Variants in FAM83E observed in about 807,000 individuals in gnomAD.
FAM83E encodes the protein protein FAM83E.
A neutral mutation model predicts 34.3 loss-of-function variants in FAM83E; 29 were observed. The observed-to-expected ratio is 0.85, with a 90% CI of 0.63 to 1.15. The LOEUF (loss-of-function observed/expected upper bound fraction) is 1.15, where lower values mean the gene tolerates loss of function less well. Ranked by LOEUF, FAM83E falls within the 50% of genes most tolerant of loss-of-function variation. The probability of loss-of-function intolerance (pLI) is 0.00; values close to 1 mark genes in which losing one functional copy is unlikely to be tolerated. For missense variants in FAM83E, 697 were observed against 685.0 expected (o/e 1.02, Z -0.20); for synonymous variants, 312 against 311.6 (o/e 1.00, Z -0.01).
intron 5 of FAM83E, among the ~76,000 whole-genome samples, chr19:48,608,951 G>A (rs1030368493): frequency 2.0e-5 from 3 of 151,978 alleles, no homozygotes; most frequent in Admixed American, 2.0e-4. Context: ...CTGGGTGGAG[G>A]CTGAAGATGC....
chr19:48,612,871 G>C (rs1974069385), intron 3 of FAM83E, 37 bp downstream of exon 3: 2 of 1,493,048 alleles, frequency 1.3e-6, no homozygotes, highest in African/African-American at 2.8e-5. Context: ...CCCCGTCCCA[G>C]TCTGGTGAAT....
rs745351548 is a variant in FAM83E at position 48,614,948 on chromosome 19, CA to C, written c.-1400del. ...CACGCTTTCTTTACCTGTGCTCTCC[CA>C]GGGGGTGAACGCCCCTCTAGACTCA... On this transcript the variant is annotated 5_prime_UTR_variant, in exon 1 of 7. Coordinates refer to ENST00000263266, the MANE Select transcript of FAM83E (RefSeq NM_017708.4). The C allele has an allele frequency of 7.1e-6, 2 of 280,648 alleles. No homozygotes were observed. Among genetic ancestry groups the C allele is most frequent in the Non-Finnish European group, 1.1e-5 (2 of 183,360 alleles). The allele number at this position is 280,648 out of a possible 1,614,324, so 17.4% of individuals were successfully genotyped here.
chr19:48,601,870 G>A (rs534798707), intron 6 of FAM83E, among the ~76,000 whole-genome samples: 5 of 148,104 alleles, frequency 3.4e-5, no homozygotes, highest in South Asian at 4.3e-4. Context: ...GATGGAGGCC[G>A]GACGCGGTGG....
At chr19:48,605,491 C>G (rs1202634763) in intron 5 of FAM83E, among the ~76,000 whole-genome samples, 1 of 152,106 alleles carries the variant, frequency 6.6e-6, no homozygotes, top group Non-Finnish European at 1.5e-5. Context: ...AGGAGAATCA[C>G]TTGAGCCTGG....
rs748840388 is a variant in FAM83E, at chr19:48,601,288, C to T, written c.1258G>A (p.Glu420Lys). 1.9e-6 allele frequency: 3 copies of T among 1,580,334 alleles called. No homozygotes were observed. The highest frequency in any genetic ancestry group is 1.1e-5 in the South Asian group (1 of 87,376). ...CCCCACGGAGGTCGGGAGTCCACTT[C>T]CCCCCAGGGGCCTCCTCCAGTGCCC... Reference protein sequence around the residue: ...QRGTGGGPWGEVDSRPPWGGA... With the variant: ...QRGTGGGPWGKVDSRPPWGGA... Residue 420 changes from glutamate (E) to lysine (K), a missense_variant, in exon 7 of 7, where the codon GAA becomes AAA. By Grantham distance (56) the Glu-to-Lys change is moderately conservative. Transcript: ENST00000263266.
rs1007991220 is a variant in FAM83E, at chr19:48,600,010, G to A, written c.*1099C>T. Among the ~76,000 whole-genome samples, 10 of 152,250 alleles carry A rather than the reference G, an allele frequency of 6.6e-5. No individual in the cohort carries two copies. The South Asian group carries it at 1.7e-3, about 25-fold the overall frequency. Reference sequence around the variant, plus strand: ...CCGAGCAGAGGTAAACGGGAGCTCCGGCAGACCCGCCCTCTCAGCGCCCAC... The same window carrying A: ...CCGAGCAGAGGTAAACGGGAGCTCCAGCAGACCCGCCCTCTCAGCGCCCAC... On this transcript the variant is annotated 3_prime_UTR_variant, in exon 7 of 7. Transcript: ENST00000263266.
At chr19:48,601,680 G>C (rs944011947) in intron 6 of FAM83E, among the ~76,000 whole-genome samples, 2 of 151,776 alleles carry the variant, frequency 1.3e-5, no homozygotes, top group Non-Finnish European at 2.9e-5. Context: ...CAGGAGAATC[G>C]CTTGAACCCG....
chr19:48,609,797 T>C (rs1974007230), intron 5 of FAM83E, 79 bp downstream of exon 5: 1 of 1,472,574 alleles, frequency 6.8e-7, no homozygotes, highest in Non-Finnish European at 9.4e-7. Flanking sequence ...GGCAAGGGGA[T>C]GCCAGCTGTT....
rs752597020 is a variant in FAM83E at position 48,613,582 on chromosome 19, C to T, written c.-210G>A. 5 of 1,399,152 alleles carry T rather than the reference C, an allele frequency of 3.6e-6. No homozygotes were observed. Among genetic ancestry groups the T allele is most frequent in the African/African-American group, 1.4e-5 (1 of 69,204 alleles). The allele number at this position is 1,399,152 out of a possible 1,614,324, so 86.7% of individuals were successfully genotyped here. A position where few individuals can be genotyped will look rare whatever the true frequency, so the allele number is the denominator to read the frequency against. On this transcript the variant is annotated 5_prime_UTR_variant, in exon 3 of 7. Coordinates refer to ENST00000263266, the MANE Select transcript of FAM83E (RefSeq NM_017708.4). ...CTGACAATCACGCTGCCCAAATAAG[C>T]GACCATCCAATGTGTCAGGCCACTC...
intron 3 of FAM83E, among the ~76,000 whole-genome samples, chr19:48,611,778 C>G (rs1342803517): frequency 6.6e-6 from 1 of 152,172 alleles, no homozygotes; most frequent in African/African-American, 2.4e-5. Context: ...CTACAAATCA[C>G]GTTTATAACA....
intron 6 of FAM83E, among the ~76,000 whole-genome samples, chr19:48,602,162 AAAAT>A (rs1973828435): frequency 6.8e-6 from 1 of 146,492 alleles, no homozygotes; most frequent in African/African-American, 2.6e-5. Context: ...AAAAAAAAAA[AAAAT>A]GGGTGGAGGA....
At chr19:48,601,577 C>G (rs1256298601) in intron 6 of FAM83E, among the ~76,000 whole-genome samples, 1 of 151,254 alleles carries the variant, frequency 6.6e-6, no homozygotes, top group Non-Finnish European at 1.5e-5. Context: ...CCAGCCTGGC[C>G]AACATGGTGA....
At chr19:48,607,488 T>C (rs369349564) in intron 5 of FAM83E, 16 of 1,234,620 alleles carry the variant, frequency 1.3e-5, no homozygotes, top group Non-Finnish European at 1.1e-6. Context: ...CTTCTAAGGC[T>C]GTCCACCAGG....
Position 48,610,852 on chromosome 19 carries a change from G to A in FAM83E, c.466-5C>T. On this transcript the variant is annotated splice_polypyrimidine_tract_variant and splice_region_variant and intron_variant, in intron 3 of 6. Transcript: ENST00000263266. ...GTCCATGACCACGGCCACCAGCTGGGCATGGGGAGAGGGGCGGTGGGCTTG... is the reference window on the plus strand; with the variant it reads ...GTCCATGACCACGGCCACCAGCTGGACATGGGGAGAGGGGCGGTGGGCTTG... The A allele has an allele frequency of 6.3e-7, 1 of 1,589,246 alleles. No individual in the cohort carries two copies. The highest frequency in any genetic ancestry group is 8.6e-7 in the Non-Finnish European group (1 of 1,167,786).
In FAM83E at chr19:48,614,761, C is replaced by T. The variant is rs575155050; in HGVS notation, c.-1309G>A. Reference sequence around the variant, plus strand: ...CCTCCCTTCCAGTGCCTGCTTTTTCCGAGAACGTAGGCTGTGGCTCCCCGG... The same window carrying T: ...CCTCCCTTCCAGTGCCTGCTTTTTCTGAGAACGTAGGCTGTGGCTCCCCGG... On this transcript the variant is annotated 5_prime_UTR_variant, in exon 2 of 7. Transcript: ENST00000263266. 2.7e-5 allele frequency: 27 copies of T among 985,542 alleles called. No individual in the cohort carries two copies. Among genetic ancestry groups the T allele is most frequent in the South Asian group, 9.4e-5 (2 of 21,304 alleles). 61.0% of individuals were successfully genotyped at this position (985,542 alleles called of 1,614,324 possible). A position where few individuals can be genotyped will look rare whatever the true frequency, so the allele number is the denominator to read the frequency against.
chr19:48,601,060 T>C lies in FAM83E; in HGVS notation c.*49A>G. On this transcript the variant is annotated 3_prime_UTR_variant, in exon 7 of 7. Coordinates refer to ENST00000263266, the MANE Select transcript of FAM83E (RefSeq NM_017708.4). ...GCAGAGGGCTCTGAGCCGACAGTTG[T>C]CCGGCACTGCTCCTTGGGTGGGCCA... is the stretch of plus-strand genomic sequence containing the variant. 1 of 1,566,316 alleles carries C rather than the reference T, an allele frequency of 6.4e-7. No homozygotes were observed. The highest frequency in any genetic ancestry group is 8.6e-7 in the Non-Finnish European group (1 of 1,157,516).
chr19:48,613,673 G>C lies in FAM83E; in HGVS notation c.-301C>G. The C allele has an allele frequency of 7.9e-7, 1 of 1,262,032 alleles. No individual in the cohort carries two copies. Among genetic ancestry groups the C allele is most frequent in the East Asian group, 3.7e-5 (1 of 27,030 alleles). The allele number at this position is 1,262,032 out of a possible 1,614,324, so 78.2% of individuals were successfully genotyped here. A position where few individuals can be genotyped will look rare whatever the true frequency, so the allele number is the denominator to read the frequency against. ...CTGGCCTTCCGTGACCTTCCTGCCAGCCGTCTCTGCTGGTCAGGTTGACCT... is the reference window on the plus strand; with the variant it reads ...CTGGCCTTCCGTGACCTTCCTGCCACCCGTCTCTGCTGGTCAGGTTGACCT... On this transcript the variant is annotated 5_prime_UTR_variant, in exon 3 of 7. Transcript: ENST00000263266.
chr19:48,602,846 ATTAT>A (rs1284295905), intron 6 of FAM83E, among the ~76,000 whole-genome samples: 5 of 135,042 alleles, frequency 3.7e-5, no homozygotes, highest in African/African-American at 1.1e-4. Flanking sequence ...TATTATTATT[ATTAT>A]TATTATTATT....
intron 6 of FAM83E, among the ~76,000 whole-genome samples, chr19:48,602,405 A>G (rs1973834406): frequency 6.7e-6 from 1 of 150,138 alleles, no homozygotes; most frequent in Non-Finnish European, 1.5e-5. Context: ...GGAAGGGGGG[A>G]AGTGAGAGGG....
Sources: allele counts gnomAD v4.1 joint callset (sites outside exome capture counted in the v4.1 genomes callset), GRCh38; gene constraint gnomAD v4.1.1; transcripts MANE v1.5; gene names NCBI Gene and HGNC (gene_info 2026-07-23, HGNC 2026-07-21).